The following RNF212B variants were observed in gnomAD, a reference collection of about 807,000 sequenced individuals.
The protein encoded by RNF212B is E3 ubiquitin-protein ligase RNF212B.
In RNF212B, 52 loss-of-function variants were observed where a neutral mutation model predicts 55.5. That is an observed-to-expected ratio of 0.94 (90% confidence interval 0.75 to 1.18). The LOEUF (loss-of-function observed/expected upper bound fraction) is 1.18, where lower values mean the gene tolerates loss of function less well. RNF212B is among the 50% of genes most tolerant of loss of function. The pLI, the probability that RNF212B is intolerant of heterozygous loss-of-function variation, is 0.00. For missense variants in RNF212B, 289 were observed against 350.4 expected, an observed-to-expected ratio of 0.82 and a Z score of 1.40; for synonymous variants, 99 against 121.4, an observed-to-expected ratio of 0.82 and a Z score of 1.21.
At chr14:23,241,467 A>G (rs528580294) in intron 2 of RNF212B, among the ~76,000 whole-genome samples, 1 of 152,210 alleles carries the variant, frequency 6.6e-6, no homozygotes, top group African/African-American at 2.4e-5. Context: ...TTCGTCACCC[A>G]GGCTGGAATG....
At chr14:23,256,683 A>C (rs1236936169) in intron 4 of RNF212B, among the ~76,000 whole-genome samples, 1 of 151,934 alleles carries the variant, frequency 6.6e-6, no homozygotes, top group African/African-American at 2.4e-5. Flanking sequence ...CCTCTATTCA[A>C]ATTTTCTAAA....
At chr14:23,232,225 C>CT (rs1882693202) in intron 2 of RNF212B, among the ~76,000 whole-genome samples, 1 of 150,452 alleles carries the variant, frequency 6.6e-6, no homozygotes, top group East Asian at 2.0e-4. Flanking sequence ...TGCCCATCGT[C>CT]TGAGATGTGG....
intron 1 of RNF212B, among the ~76,000 whole-genome samples, chr14:23,240,039 A>G (rs550397742): frequency 6.6e-6 from 1 of 151,930 alleles, no homozygotes; most frequent in African/African-American, 2.4e-5. Context: ...CCACTCAAAA[A>G]AAAAAAAATC....
At chr14:23,263,101 T>C (rs1240764110) in intron 9 of RNF212B, 131 bp downstream of exon 9, 4 of 777,868 alleles carry the variant, frequency 5.1e-6, no homozygotes, top group African/African-American at 1.8e-5. Flanking sequence ...GTTTTTTTTT[T>C]TCCCTAAGCC....
rs1168785018 is a variant in RNF212B at position 23,258,651 on chromosome 14, G to A, written c.331G>A (p.Val111Met). 6.6e-7 allele frequency: 1 copy of A among 1,504,802 alleles called. No individual in the cohort carries two copies. Among genetic ancestry groups the A allele is most frequent in the Non-Finnish European group, 9.0e-7 (1 of 1,115,984 alleles). The allele number at this position is 1,504,802 out of a possible 1,614,324, so 93.2% of individuals were successfully genotyped here. A position where few individuals can be genotyped will look rare whatever the true frequency, so the allele number is the denominator to read the frequency against. ...CATGCAGGAGGCACAGCAAGCACTG[G>A]TGAGCCAGGACAAGTAAGTAACAAA... is the stretch of plus-strand genomic sequence containing the variant. ...TAMQEAQQALVSQDKELSVLR... is the reference protein window; with the variant it reads ...TAMQEAQQALMSQDKELSVLR... Residue 111 changes from valine to methionine, a missense_variant, in exon 5 of 15, where the codon GTG (valine) becomes ATG (methionine). By Grantham distance (21) the Val-to-Met change is conservative. Transcript: ENST00000430154.
rs1482401192 is a variant in RNF212B at position 23,185,903 on chromosome 14, C to G, written c.-79+413C>G. 8.6e-5 allele frequency among the ~76,000 whole-genome samples: 13 copies of G among 151,992 alleles called. 1 individual carries two copies. The highest frequency in any genetic ancestry group is 8.5e-4 in the Admixed American group (13 of 15,246). On this transcript the variant is annotated intron_variant, in intron 1 of 15. Coordinates refer to the RNF212B transcript ENST00000399910. ...GTGCTTGAACTCAGGAGTTCAAGAC[C>G]AGACTGGGCAATGTGGTGAAACCCC...
exon 1 of RNF212B, chr14:23,185,408 A>G (rs1253632971): frequency 1.3e-5 from 2 of 152,238 alleles, no homozygotes; most frequent in African/African-American, 4.8e-5. Context: ...TGATAGATTC[A>G]TTTGTATACA....
At chr14:23,191,222 C>T (rs1310513184) in intron 1 of RNF212B, among the ~76,000 whole-genome samples, 2 of 151,824 alleles carry the variant, frequency 1.3e-5, no homozygotes, top group South Asian at 2.1e-4. Context: ...GGGCTGGTGG[C>T]GGTGCACACC....
At chr14:23,234,983 G>A (rs939831915), upstream of RNF212B, among the ~76,000 whole-genome samples, 3 of 152,132 alleles carry the variant, frequency 2.0e-5, no homozygotes, top group African/African-American at 4.8e-5. Context: ...GGAGGCCGAG[G>A]CAGGTGGATC....
intron 6 of RNF212B, among the ~76,000 whole-genome samples, chr14:23,260,429 T>TA (rs2140472362): frequency 6.6e-6 from 1 of 152,328 alleles, no homozygotes; most frequent in Non-Finnish European, 1.5e-5. Context: ...TTTCCCCACA[T>TA]ATGTTAGTCT....
chr14:23,236,996 C>T (rs1286369949), upstream of RNF212B, among the ~76,000 whole-genome samples: 10 of 144,532 alleles, frequency 6.9e-5, no homozygotes, highest in Admixed American at 7.0e-4. Context: ...CAGTGTCTTG[C>T]TCCCTCAACC....
chr14:23,217,252 T>TGGGG (rs1413821000), intron 2 of RNF212B, among the ~76,000 whole-genome samples: 1 of 16,346 alleles, frequency 6.1e-5, no homozygotes, highest in African/African-American at 3.0e-4. Context: ...GTGGTGGCAG[T>TGGGG]GGTGGGGGGG....
At chr14:23,256,697 A>T (rs559049175) in intron 4 of RNF212B, among the ~76,000 whole-genome samples, 3 of 152,180 alleles carry the variant, frequency 2.0e-5, no homozygotes, top group African/African-American at 7.2e-5. Context: ...TTCTAAAATA[A>T]TTTTTTTAAG....
At chr14:23,217,928 T>C (rs751352848) in intron 2 of RNF212B, among the ~76,000 whole-genome samples, 13 of 152,100 alleles carry the variant, frequency 8.5e-5, no homozygotes, top group Non-Finnish European at 1.8e-4. Flanking sequence ...CAGGGATATA[T>C]GACTTTTGAG....
At chr14:23,249,505 A>G (rs1209402344) in intron 4 of RNF212B, among the ~76,000 whole-genome samples, 1 of 152,206 alleles carries the variant, frequency 6.6e-6, no homozygotes, top group Admixed American at 6.5e-5. Context: ...TGATTGCACC[A>G]CCATACTCCA....
intron 11 of RNF212B, among the ~76,000 whole-genome samples, chr14:23,268,339 AGGCTATCATGGAGGT>A (rs1253313781): frequency 1.3e-5 from 2 of 152,224 alleles, no homozygotes; most frequent in East Asian, 3.8e-4. Context: ...TTGGTTTTCA[AGGCTATCATGGAGGT>A]GGAGAAGGAG....
At chr14:23,221,572 T>C (rs562964716) in intron 2 of RNF212B, among the ~76,000 whole-genome samples, 3 of 152,366 alleles carry the variant, frequency 2.0e-5, no homozygotes, top group Middle Eastern at 3.4e-3. Context: ...ATTTTCAGCA[T>C]TGGACAGATC....
intron 4 of RNF212B, among the ~76,000 whole-genome samples, chr14:23,257,893 A>G (rs541848930): frequency 4.6e-5 from 7 of 152,214 alleles, no homozygotes; most frequent in African/African-American, 1.7e-4. Context: ...TGTAATAGCT[A>G]TGAATGTGGA....
chr14:23,189,177 C>T (rs1451002513), intron 1 of RNF212B, among the ~76,000 whole-genome samples: 1 of 152,144 alleles, frequency 6.6e-6, no homozygotes, highest in African/African-American at 2.4e-5. Context: ...AATACCACAC[C>T]CCAAATCTTC....
Sources: gnomAD v4.1 joint callset for allele counts (sites outside exome capture counted in the v4.1 genomes callset) on GRCh38, gnomAD v4.1.1 for gene constraint, MANE v1.5 for transcripts, NCBI Gene and HGNC (gene_info 2026-07-23, HGNC 2026-07-21) for gene names.